Variants in ANKRD11 observed in about 807,000 individuals in gnomAD.
ANKRD11 encodes ankyrin repeat domain-containing protein 11.
A neutral mutation model predicts 195.7 loss-of-function variants in ANKRD11; 17 were observed. The observed-to-expected ratio is 0.09, with a 90% CI of 0.06 to 0.13. The LOEUF (loss-of-function observed/expected upper bound fraction) is 0.13. Among genes scored for constraint, ANKRD11 ranks in the 10% least tolerant of loss-of-function variants. The probability of loss-of-function intolerance (pLI) is 1.00; values close to 1 mark genes in which losing one functional copy is unlikely to be tolerated. For missense variants in ANKRD11, 3,735 were observed against 3,566.1 expected, an observed-to-expected ratio of 1.05 and a Z score of -1.21; for synonymous variants, 1,953 against 1,528.1, an observed-to-expected ratio of 1.28 and a Z score of -6.49.
At chr16:89,349,134 T>TTAAAAAAA (rs1465337833) in intron 2 of ANKRD11, among the ~76,000 whole-genome samples, 1 of 16,576 alleles carries the variant, frequency 6.0e-5, no homozygotes, top group African/African-American at 2.8e-4. Context: ...TCTCAAAAAG[T>TTAAAAAAA]AAAAAAAAAA....
chr16:89,370,488 G>A (rs1364869214), intron 2 of ANKRD11, among the ~76,000 whole-genome samples: 2 of 152,170 alleles, frequency 1.3e-5, no homozygotes, highest in South Asian at 2.1e-4. Context: ...GGGCCTTGAG[G>A]CAAATTCCCC....
chr16:89,350,829 G>A (rs1376349265), intron 2 of ANKRD11, among the ~76,000 whole-genome samples: 3 of 152,134 alleles, frequency 2.0e-5, no homozygotes, highest in African/African-American at 7.2e-5. Flanking sequence ...CATGATGGTG[G>A]TATGTGCTAC....
intron 2 of ANKRD11, among the ~76,000 whole-genome samples, chr16:89,411,417 TC>T (rs2042107304): frequency 6.6e-6 from 1 of 152,182 alleles, no homozygotes; most frequent in Non-Finnish European, 1.5e-5. Flanking sequence ...GGTCTACATT[TC>T]TTCCTTTTTT....
chr16:89,401,799 G>A (rs1469829884), intron 2 of ANKRD11, among the ~76,000 whole-genome samples: 1 of 152,154 alleles, frequency 6.6e-6, no homozygotes, highest in Non-Finnish European at 1.5e-5. Context: ...GGAGAACGCT[G>A]GGTGAAGAGG....
At chr16:89,476,750 G>A (rs1463142717) in intron 1 of ANKRD11, among the ~76,000 whole-genome samples, 1 of 152,190 alleles carries the variant, frequency 6.6e-6, no homozygotes, top group Non-Finnish European at 1.5e-5. Context: ...GGGGGCCCAA[G>A]GCCCACCCCA....
At chr16:89,300,752 C>CCAG in intron 4 of ANKRD11, 1 of 598,144 alleles carries the variant, frequency 1.7e-6, no homozygotes, top group Non-Finnish European at 3.0e-6. Flanking sequence ...GCTGAAGGAA[C>CCAG]CAGCATGTGC....
At position 89,292,410 on chromosome 16, in the gene ANKRD11, T is replaced by C. The variant is rs576179043; in HGVS notation, c.227-1227A>G. Reference sequence around the variant, plus strand: ...AGCTCCCAGGGCCCGACTCTCTTGCTGTTCACCACCATGGTCCCCGTGAAT... The same window carrying C: ...AGCTCCCAGGGCCCGACTCTCTTGCCGTTCACCACCATGGTCCCCGTGAAT... On this transcript the variant is annotated intron_variant, in intron 4 of 12. Coordinates refer to ENST00000301030, the MANE Select transcript of ANKRD11 (RefSeq NM_013275.6). Among the ~76,000 whole-genome samples the C allele has an allele frequency of 2.6e-5, 4 of 152,358 alleles. No homozygotes were observed. The South Asian group carries it at 8.3e-4, about 32-fold the overall frequency.
intron 3 of ANKRD11, among the ~76,000 whole-genome samples, chr16:89,306,791 C>G (rs1277642014): frequency 1.4e-5 from 1 of 69,766 alleles, no homozygotes; most frequent in Non-Finnish European, 2.8e-5. Flanking sequence ...CGCCACCTAC[C>G]TCCCACTCCG....
chr16:89,283,561 C>T lies in ANKRD11; in HGVS notation c.2981G>A (p.Gly994Glu). The T allele has an allele frequency of 6.2e-7, 1 of 1,611,760 alleles. No individual in the cohort carries two copies. The highest frequency in any genetic ancestry group is 8.5e-7 in the Non-Finnish European group (1 of 1,180,026). ...GFKDKSDGDF[G>E]KGLEPWERHH... ...CCGTTCCCACGGCTCCAGGCCCTTC[C>T]CAAAGTCGCCGTCGGACTTGTCCTT... Residue 994 changes from glycine to glutamate, a missense_variant, in exon 9 of 13, where the codon GGG becomes GAG. Coordinates refer to ENST00000301030, the MANE Select transcript of ANKRD11 (RefSeq NM_013275.6). The surrounding 1 kb of genome is among the most constrained non-coding windows in gnomAD (Gnocchi z 4.3).
rs150133314 is a variant in ANKRD11, at chr16:89,333,517, A to T, written c.-59-16439T>A. On this transcript the variant is annotated intron_variant, in intron 2 of 12. Transcript: ENST00000301030. ...AGGTCCCCCGTGTTCCTGCTGCACA[A>T]CCCTCCGTCCCTCCCTCTCCCCAGC... is the stretch of plus-strand genomic sequence containing the variant. 3.9e-3 allele frequency among the ~76,000 whole-genome samples: 590 copies of T among 151,746 alleles called. 2 individuals carry two copies. Among genetic ancestry groups the T allele is most frequent in the African/African-American group, 0.014 (569 of 41,252 alleles).
At chr16:89,369,679 C>T (rs1473776695) in intron 2 of ANKRD11, among the ~76,000 whole-genome samples, 3 of 152,226 alleles carry the variant, frequency 2.0e-5, no homozygotes, top group African/African-American at 4.8e-5. Flanking sequence ...TTTAAGGTCC[C>T]GACTGTGGGA....
At chr16:89,456,306 C>T (rs1040789185) in intron 1 of ANKRD11, among the ~76,000 whole-genome samples, 5 of 151,466 alleles carry the variant, frequency 3.3e-5, no homozygotes, top group Admixed American at 1.3e-4. Flanking sequence ...CCCAGCACTT[C>T]GGGAGGGCAA....
rs1157928395 is a variant in ANKRD11, at chr16:89,399,887, C to T, written c.-60+18397G>A. Among the ~76,000 whole-genome samples the T allele has an allele frequency of 4.6e-5, 7 of 152,274 alleles. No individual in the cohort carries two copies. The East Asian group carries it at 5.8e-4, about 13-fold the overall frequency. On this transcript the variant is annotated intron_variant, in intron 2 of 12. Transcript: ENST00000301030. ...GGCTTGGATTCACACAGCACAGAAT[C>T]GGCTCCCAGAGCACAGGAAGGTCCA...
chr16:89,300,765 G>A, intron 4 of ANKRD11: 1 of 628,974 alleles, frequency 1.6e-6, no homozygotes, highest in South Asian at 1.8e-5. Context: ...GCATGTGCCT[G>A]GCAGCACTGC....
chr16:89,447,571 T>C (rs549572224), intron 1 of ANKRD11, among the ~76,000 whole-genome samples: 1 of 152,108 alleles, frequency 6.6e-6, no homozygotes, highest in Non-Finnish European at 1.5e-5. Flanking sequence ...TCCACAATCC[T>C]ACAACAATGC....
chr16:89,488,129 C>A (rs2057682425), intron 1 of ANKRD11, among the ~76,000 whole-genome samples: 1 of 152,100 alleles, frequency 6.6e-6, no homozygotes, highest in South Asian at 2.1e-4. Flanking sequence ...TATTTTACTA[C>A]AGCAAAAATA....
chr16:89,415,912 G>C (rs1188708370), intron 2 of ANKRD11, among the ~76,000 whole-genome samples: 3 of 149,348 alleles, frequency 2.0e-5, no homozygotes, highest in Admixed American at 6.8e-5. Flanking sequence ...GTGGGTCACG[G>C]CGCCTCTGGT....
intron 1 of ANKRD11, among the ~76,000 whole-genome samples, chr16:89,424,632 C>T (rs370656592): frequency 2.0e-5 from 3 of 151,976 alleles, no homozygotes; most frequent in Admixed American, 6.6e-5. Context: ...AAAGGCCAAT[C>T]GAAAAGGTTA....
chr16:89,487,929 TCAA>T (rs1269675993), intron 1 of ANKRD11, among the ~76,000 whole-genome samples: 5 of 145,616 alleles, frequency 3.4e-5, no homozygotes, highest in Non-Finnish European at 1.5e-5. Flanking sequence ...CCGCTCGTCA[TCAA>T]CAGCCCATCT....
Sources: allele counts gnomAD v4.1 joint callset (sites outside exome capture counted in the v4.1 genomes callset), GRCh38; gene constraint gnomAD v4.1.1; non-coding constraint Gnocchi (gnomAD v3.1); transcripts MANE v1.5; gene names NCBI Gene and HGNC (gene_info 2026-07-23, HGNC 2026-07-21).